DCC: variants seen among roughly 807,000 people sequenced by gnomAD.
DCC encodes the protein DCC netrin 1 receptor.
A neutral mutation model predicts 172.5 loss-of-function variants in DCC; 58 were observed. The observed-to-expected ratio is 0.34, with a 90% CI of 0.27 to 0.42. The LOEUF is 0.42. Among genes scored for constraint, DCC ranks in the 10% least tolerant of loss-of-function variants. DCC has a pLI of 1.00. For missense variants in DCC, 1,740 were observed against 1,791.0 expected, an observed-to-expected ratio of 0.97 and a Z score of 0.51; for synonymous variants, 709 against 644.5, an observed-to-expected ratio of 1.10 and a Z score of -1.52.
chr18:53,511,995 G>A (rs1426213554), intron 27 of DCC, among the ~76,000 whole-genome samples: 1 of 152,176 alleles, frequency 6.6e-6, no homozygotes, highest in African/African-American at 2.4e-5. Context: ...GCCTCTGTAG[G>A]CTCCACCTCT....
intron 7 of DCC, among the ~76,000 whole-genome samples, chr18:53,071,196 A>G (rs1037654952): frequency 6.6e-6 from 1 of 152,230 alleles, no homozygotes; most frequent in African/African-American, 2.4e-5. Flanking sequence ...AAGTTTCAAC[A>G]TAGTCTTTTA....
intron 25 of DCC, among the ~76,000 whole-genome samples, chr18:53,471,429 A>T (rs932189314): frequency 6.6e-6 from 1 of 152,120 alleles, no homozygotes; most frequent in Non-Finnish European, 1.5e-5. Flanking sequence ...ATTAATCTTC[A>T]TTAGCCTTTG....
intron 12 of DCC, among the ~76,000 whole-genome samples, chr18:53,257,552 G>A (rs1355805651): frequency 6.6e-6 from 1 of 152,184 alleles, no homozygotes; most frequent in Non-Finnish European, 1.5e-5. Flanking sequence ...TTGCATCCCA[G>A]GGATGAAGCC....
chr18:52,775,674 CAG>C (rs2037417694), intron 2 of DCC, among the ~76,000 whole-genome samples: 1 of 152,190 alleles, frequency 6.6e-6, no homozygotes, highest in Non-Finnish European at 1.5e-5. Flanking sequence ...GCTCTTCTGC[CAG>C]AGTGCTCCCT....
intron 24 of DCC, among the ~76,000 whole-genome samples, chr18:53,464,575 G>A (rs1361371523): frequency 1.3e-5 from 2 of 151,344 alleles, no homozygotes; most frequent in African/African-American, 4.9e-5. Flanking sequence ...AAAAAATCTT[G>A]TTTAACTTTT....
chr18:53,087,301 C>G (rs71368910), intron 7 of DCC, among the ~76,000 whole-genome samples: 13,150 of 148,636 alleles, frequency 0.088, 970 homozygotes, highest in East Asian at 0.34. Flanking sequence ...ATTCTAACTG[C>G]TGTGAGATGG....
intron 1 of DCC, among the ~76,000 whole-genome samples, chr18:52,704,114 G>T (rs1354881798): frequency 1.4e-5 from 2 of 139,680 alleles, no homozygotes; most frequent in Non-Finnish European, 2.9e-5. Context: ...AAAGTAGTTT[G>T]TAGGTATGAA....
At chr18:53,339,344 T>C (rs1043405620) in intron 14 of DCC, among the ~76,000 whole-genome samples, 2 of 152,190 alleles carry the variant, frequency 1.3e-5, no homozygotes, top group Admixed American at 6.5e-5. Flanking sequence ...TAAGACAACA[T>C]TGACATTTTA....
intron 12 of DCC, among the ~76,000 whole-genome samples, chr18:53,243,881 C>G (rs1481555300): frequency 6.6e-6 from 1 of 152,134 alleles, no homozygotes; most frequent in African/African-American, 2.4e-5. Context: ...AAACTCAACA[C>G]ACAAATCTTC....
At chr18:52,551,186 T>A (rs763330982) in intron 1 of DCC, among the ~76,000 whole-genome samples, 1 of 152,000 alleles carries the variant, frequency 6.6e-6, no homozygotes, top group Non-Finnish European at 1.5e-5. Context: ...ATGGAGATCA[T>A]GGCAGAGCGG....
intron 15 of DCC, among the ~76,000 whole-genome samples, chr18:53,349,536 A>G (rs559369220): frequency 6.6e-6 from 1 of 152,202 alleles, no homozygotes; most frequent in African/African-American, 2.4e-5. Flanking sequence ...ATGTTAGTCT[A>G]TTTTCACACT....
chr18:53,182,242 A>G (rs1017407981), intron 9 of DCC, among the ~76,000 whole-genome samples: 7 of 152,266 alleles, frequency 4.6e-5, no homozygotes, highest in Non-Finnish European at 7.3e-5. Context: ...TGATGCAGCC[A>G]TGAATCTTTT....
chr18:52,450,505 T>A (rs183289690), intron 1 of DCC, among the ~76,000 whole-genome samples: 1 of 152,348 alleles, frequency 6.6e-6, no homozygotes, highest in African/African-American at 2.4e-5. Context: ...AAAATTGTCC[T>A]GTTTTGAACA....
At chr18:52,786,994 A>G (rs1026604773) in intron 2 of DCC, among the ~76,000 whole-genome samples, 18 of 152,162 alleles carry the variant, frequency 1.2e-4, no homozygotes, top group Admixed American at 1.2e-3. Context: ...GTACTCACAG[A>G]TAGTTTCCAA....
intron 5 of DCC, among the ~76,000 whole-genome samples, chr18:53,012,640 T>A (rs570133940): frequency 4.6e-5 from 7 of 152,076 alleles, no homozygotes; most frequent in Admixed American, 4.6e-4. Flanking sequence ...AATCATGTGA[T>A]ACAGTTAAGA....
At chr18:53,354,294 A>G (rs1413290415) in intron 15 of DCC, among the ~76,000 whole-genome samples, 1 of 152,126 alleles carries the variant, frequency 6.6e-6, no homozygotes, top group Admixed American at 6.6e-5. Context: ...GGGATGGCTG[A>G]GTCAAATGGT....
chr18:53,397,625 C>T (rs1304962467), intron 18 of DCC, among the ~76,000 whole-genome samples, 179 bp downstream of exon 18: 1 of 152,116 alleles, frequency 6.6e-6, no homozygotes, highest in Non-Finnish European at 1.5e-5. Flanking sequence ...CTAGAAAAAA[C>T]ATGAATCTCC....
At chr18:52,960,374 T>G (rs1208283404) in intron 5 of DCC, among the ~76,000 whole-genome samples, 1 of 152,184 alleles carries the variant, frequency 6.6e-6, no homozygotes, top group Non-Finnish European at 1.5e-5. Flanking sequence ...TTTACATCTT[T>G]CAACTTCTGG....
At chr18:52,467,744 C>G (rs189788674) in intron 1 of DCC, among the ~76,000 whole-genome samples, 1 of 152,172 alleles carries the variant, frequency 6.6e-6, no homozygotes, top group Non-Finnish European at 1.5e-5. Context: ...TTCATTCTAA[C>G]TGGCATGAGA....
Sources: gnomAD v4.1 joint callset for allele counts (sites outside exome capture counted in the v4.1 genomes callset) on GRCh38, gnomAD v4.1.1 for gene constraint, MANE v1.5 for transcripts, NCBI Gene and HGNC (gene_info 2026-07-23, HGNC 2026-07-21) for gene names.